Variants in MYO15A observed in about 807,000 individuals in gnomAD.
The protein encoded by MYO15A is myosin XVA.
Under a neutral mutation model 394.6 loss-of-function variants are expected in MYO15A, and 308 were observed. That is an observed-to-expected ratio of 0.78 (90% CI 0.71 to 0.86). MYO15A has a LOEUF of 0.86. Ranked by LOEUF, MYO15A falls within the 40% of genes least tolerant of loss-of-function variation. The pLI is 0.00. For missense variants in MYO15A, 4,606 were observed against 4,799.1 expected (o/e 0.96, Z 1.19); for synonymous variants, 1,957 against 2,003.8 (o/e 0.98, Z 0.62).
chr17:18,130,713 T>C, intron 7 of MYO15A, 92 bp from the exon 8 acceptor site: 7 of 1,605,986 alleles, frequency 4.4e-6, no homozygotes, highest in Non-Finnish European at 6.0e-6. Flanking sequence ...CTGAGGCTCC[T>C]AGTCTCCTGG....
intron 4 of MYO15A, 61 bp from the exon 5 acceptor site, chr17:18,126,286 G>T (rs1372360440): frequency 2.2e-6 from 3 of 1,342,736 alleles, no homozygotes; most frequent in African/African-American, 1.4e-5. Context: ...CAGCATAGGG[G>T]AGGGAGGGAC....
In MYO15A at chr17:18,121,886, C is replaced by G; in HGVS notation, c.3086C>G (p.Pro1029Arg). The G allele has an allele frequency of 6.2e-7, 1 of 1,613,120 alleles. No individual in the cohort carries two copies. Among genetic ancestry groups the G allele is most frequent in the Non-Finnish European group, 8.5e-7 (1 of 1,179,944 alleles). Reference protein sequence around the residue: ...GDPQLPAETKPPTPAPPKDVT... With the variant: ...GDPQLPAETKRPTPAPPKDVT... The stretch of plus-strand genomic sequence containing the variant: ...CCCCAGCTGCCAGCAGAGACCAAGC[C>G]TCCAACCCCAGCACCTCCCAAGGAT... Residue 1029 changes from proline to arginine, a missense_variant, in exon 2 of 66, where the codon CCT (proline) becomes CGT (arginine). Pro to Arg is a moderately radical substitution (Grantham distance 103, BLOSUM62 -2). Transcript: ENST00000647165. The surrounding 1 kb of genome is among the most constrained non-coding windows in gnomAD (Gnocchi z 5.3).
rs2142303535 is a variant in MYO15A at position 18,132,365 on chromosome 17, C to T, written c.4207-88C>T. 1 of 1,038,110 alleles carries T rather than the reference C, an allele frequency of 9.6e-7. No individual in the cohort carries two copies. The highest frequency in any genetic ancestry group is 2.4e-5 in the East Asian group (1 of 41,846). The allele number at this position is 1,038,110 out of a possible 1,614,324, so 64.3% of individuals were successfully genotyped here. A position where few individuals can be genotyped will look rare whatever the true frequency, so the allele number is the denominator to read the frequency against. On this transcript the variant is annotated intron_variant, in intron 10 of 65. Coordinates refer to ENST00000647165, the MANE Select transcript of MYO15A (RefSeq NM_016239.4). The surrounding 1 kb of genome is among the most constrained non-coding windows in gnomAD (Gnocchi z 4.6). ...CTGCAGCCCACTGTGTGCATGTGCA[C>T]TTGTGGGCAGGCTTGGGCTTGTATG... is the stretch of plus-strand genomic sequence containing the variant.
At chr17:18,167,820 T>C in intron 62 of MYO15A, 97 bp downstream of exon 62, 3 of 1,549,376 alleles carry the variant, frequency 1.9e-6, no homozygotes, top group Non-Finnish European at 2.6e-6. Context: ...CCCCAGGCCC[T>C]CAGGCTCCCC....
At position 18,119,113 on chromosome 17, in the gene MYO15A, T is replaced by A; in HGVS notation, c.313T>A (p.Ser105Thr). The part of the protein sequence containing the change: ...KKRAMKGKKP[S>T]FMVIRFPGRR... ...GCGGGCGATGAAGGGCAAGAAGCCGTCCTTCATGGTGATCCGCTTCCCAGG... is the reference window on the plus strand; with the variant it reads ...GCGGGCGATGAAGGGCAAGAAGCCGACCTTCATGGTGATCCGCTTCCCAGG... Residue 105 changes from serine to threonine, a missense_variant, in exon 2 of 66, where the codon TCC (serine) becomes ACC (threonine). Ser to Thr is a moderately conservative substitution (Grantham distance 58). This residue lies in a region of MYO15A where 1,830 missense variants were observed against 1,689.7 expected (regional missense o/e 1.08). Coordinates refer to ENST00000647165, the MANE Select transcript of MYO15A (RefSeq NM_016239.4). 1 of 1,611,918 alleles carries A rather than the reference T, an allele frequency of 6.2e-7. No individual in the cohort carries two copies. The highest frequency in any genetic ancestry group is 8.5e-7 in the Non-Finnish European group (1 of 1,179,614).
chr17:18,177,042 C>G (rs1257337953), intron 65 of MYO15A: 1 of 152,278 alleles, frequency 6.6e-6, no homozygotes, highest in African/African-American at 2.4e-5. Context: ...GGATGAAGGC[C>G]TCTTTGCTTT....
rs1199976925 is a variant in MYO15A at position 18,126,428 on chromosome 17, A to G, written c.3838A>G (p.Asn1280Asp). ...IYGPEQVQQY[N>D]GRALGENPPH... is the part of the protein sequence containing the mutation. ...TGGGCCGGAGCAGGTGCAGCAGTAC[A>G]ACGGACGGGCCCTGGGAGAGAATCC... is the stretch of plus-strand genomic sequence containing the variant. The change falls in exon 5 of 66, where the codon AAC becomes GAC. Residue 1280 changes from asparagine (N) to aspartate (D), a missense_variant. By Grantham distance (23) the Asn-to-Asp change is conservative. This residue lies in a region of MYO15A where 2,776 missense variants were observed against 3,109.3 expected (regional missense o/e 0.89). Transcript: ENST00000647165. The G allele has an allele frequency of 6.2e-7, 1 of 1,613,608 alleles. No homozygotes were observed. Among genetic ancestry groups the G allele is most frequent in the Non-Finnish European group, 8.5e-7 (1 of 1,179,946 alleles).
chr17:18,143,664 G>A (rs1479025886), intron 26 of MYO15A, 45 bp downstream of exon 26: 1 of 1,572,150 alleles, frequency 6.4e-7, no homozygotes, highest in Non-Finnish European at 8.6e-7. Flanking sequence ...AGGGAGGCTG[G>A]CAGGTGGGGA....
chr17:18,130,817 A>AGTGTGTGT lies in MYO15A; in HGVS notation c.4038+54_4038+61dup, dbSNP rs59214589. 0.018 allele frequency: 21,400 copies of AGTGTGTGT among 1,186,702 alleles called. 432 individuals carry two copies. Among genetic ancestry groups the AGTGTGTGT allele is most frequent in the East Asian group, 0.042 (1,592 of 38,202 alleles). The allele number at this position is 1,186,702 out of a possible 1,614,324, so 73.5% of individuals were successfully genotyped here. A position where few individuals can be genotyped will look rare whatever the true frequency, so the allele number is the denominator to read the frequency against. ...GACGCTCTTGAAGATAAAGGTACTC[A>AGTGTGTGT]GTGTGTGTGTGTGTGTGTGTGTGTG... On this transcript the variant is annotated splice_region_variant and intron_variant, in intron 8 of 65. Coordinates refer to ENST00000647165, the MANE Select transcript of MYO15A (RefSeq NM_016239.4).
chr17:18,118,845 G>A lies in MYO15A; in HGVS notation c.45G>A (p.Lys15=). Residue 15 remains lysine, a synonymous_variant, in exon 2 of 66, where the codon AAG becomes AAA. Transcript: ENST00000647165. ...EDEEKKAKKG[K]KGKKAPEPEK... is the part of the protein sequence containing the mutation. ...AGGAGAAGAAAGCCAAGAAAGGGAAGAAGGGGAAGAAGGCACCGGAGCCGG... is the reference window on the plus strand; with the variant it reads ...AGGAGAAGAAAGCCAAGAAAGGGAAAAAGGGGAAGAAGGCACCGGAGCCGG... The A allele has an allele frequency of 1.2e-6, 2 of 1,611,902 alleles. No homozygotes were observed. Among genetic ancestry groups the A allele is most frequent in the Non-Finnish European group, 1.7e-6 (2 of 1,179,046 alleles).
At chr17:18,172,361 C>G (rs774424164) in intron 64 of MYO15A, 71 bp downstream of exon 64, 1 of 1,608,318 alleles carries the variant, frequency 6.2e-7, no homozygotes, top group South Asian at 1.1e-5. Context: ...TCCAAGAGGC[C>G]AAGACCTCCA....
At chr17:18,138,278 G>A (rs2046316697) in intron 17 of MYO15A, 32 bp downstream of exon 17, 2 of 1,607,386 alleles carry the variant, frequency 1.2e-6, no homozygotes, top group Non-Finnish European at 1.7e-6. Context: ...AGCCTAGTCA[G>A]GTCACAGATC....
In MYO15A at chr17:18,153,751, C is replaced by A. The variant is rs1216963496; in HGVS notation, c.7967-24C>A. 1 of 1,612,780 alleles carries A rather than the reference C, an allele frequency of 6.2e-7. No homozygotes were observed. The highest frequency in any genetic ancestry group is 8.5e-7 in the Non-Finnish European group (1 of 1,179,802). On this transcript the variant is annotated intron_variant, in intron 42 of 65. Coordinates refer to ENST00000647165, the MANE Select transcript of MYO15A (RefSeq NM_016239.4). The surrounding 1 kb of genome is among the most constrained non-coding windows in gnomAD (Gnocchi z 4.1). Reference sequence around the variant, plus strand: ...AAAAAAACGAGGTGCCTTCTCCTGACTCCCTGATCCCCGCGCTCTCCAGCT... The same window carrying A: ...AAAAAAACGAGGTGCCTTCTCCTGAATCCCTGATCCCCGCGCTCTCCAGCT...
intron 16 of MYO15A, 198 bp downstream of exon 16, chr17:18,137,877 G>C: frequency 1.2e-6 from 1 of 842,488 alleles, no homozygotes; most frequent in South Asian, 1.6e-5. Context: ...GCTGTGCTCA[G>C]AGAGGAGTCC....
chr17:18,119,929 A>G lies in MYO15A; in HGVS notation c.1129A>G (p.Thr377Ala). Residue 377 changes from threonine to alanine, a missense_variant, in exon 2 of 66, where the codon ACC (threonine) becomes GCC (alanine). Thr to Ala is a moderately conservative substitution (Grantham distance 58). Coordinates refer to ENST00000647165, the MANE Select transcript of MYO15A (RefSeq NM_016239.4). Reference sequence around the variant, plus strand: ...CTTTGATCCCTACGGAGTCCACTACACCGTCCCCTATGCCGAAGGCGTCTA... The same window carrying G: ...CTTTGATCCCTACGGAGTCCACTACGCCGTCCCCTATGCCGAAGGCGTCTA... ...PYFDPYGVHY[T>A]VPYAEGVYGG... 1.2e-6 allele frequency: 2 copies of G among 1,613,302 alleles called. No homozygotes were observed. The highest frequency in any genetic ancestry group is 1.3e-5 in the African/African-American group (1 of 74,926).
chr17:18,138,976 G>A, intron 18 of MYO15A, 40 bp downstream of exon 18: 1 of 1,595,990 alleles, frequency 6.3e-7, no homozygotes. Context: ...TGGTGCTGCA[G>A]TGCTGCTAGC....
chr17:18,175,292 C>CTTTTTTTTTTTTTTTTTTTTTTTTTT (rs1182500584), intron 65 of MYO15A, among the ~76,000 whole-genome samples: 1 of 91,292 alleles, frequency 1.1e-5, no homozygotes, highest in Non-Finnish European at 2.3e-5. Flanking sequence ...TCTAGACTAT[C>CTTTTTTTTTTTTTTTTTTTTTTTTTT]TTTTTTTTTT....
At chr17:18,166,591 A>G in intron 61 of MYO15A, 70 bp downstream of exon 61, 1 of 1,585,970 alleles carries the variant, frequency 6.3e-7, no homozygotes, top group Non-Finnish European at 8.6e-7. Context: ...ATCAGACTCC[A>G]CAGCCTTGGT....
At chr17:18,140,358 G>A (rs2046355656) in intron 19 of MYO15A, 159 bp from the exon 20 acceptor site, 8 of 1,007,124 alleles carry the variant, frequency 7.9e-6, no homozygotes, top group Admixed American at 2.1e-5. Flanking sequence ...GTTTTGAGAA[G>A]CATGCAAGCC....
Sources: gnomAD v4.1 joint callset for allele counts (sites outside exome capture counted in the v4.1 genomes callset) on GRCh38, gnomAD v4.1.1 for gene constraint, gnomAD v4.1.1 regional missense constraint, Gnocchi (gnomAD v3.1) non-coding constraint, MANE v1.5 for transcripts, NCBI Gene and HGNC (gene_info 2026-07-23, HGNC 2026-07-21) for gene names.